The following CFAP69 variants were observed in gnomAD, a reference collection of about 807,000 sequenced individuals.
CFAP69 encodes the protein cilia- and flagella-associated protein 69.
Under a neutral mutation model 123.0 loss-of-function variants are expected in CFAP69, and 92 were observed. The observed-to-expected ratio is 0.75, with a 90% CI of 0.63 to 0.89. CFAP69 has a LOEUF of 0.89. Among genes scored for constraint, CFAP69 ranks in the 40% least tolerant of loss-of-function variants. CFAP69 has a pLI of 0.00. For synonymous variants in CFAP69, 380 were observed against 364.3 expected (o/e 1.04, Z -0.49); for missense variants, 1,067 against 1,096.9 (o/e 0.97, Z 0.39).
At chr7:90,320,375 T>C in the CFAP69 span, 17 of 152,224 alleles carry the variant, frequency 1.1e-4, no homozygotes, top group African/African-American at 3.9e-4. Context: ...TTGGAGAAGA[T>C]GAACGTAGAC....
chr7:90,279,823 A>G lies in CFAP69; in HGVS notation c.1302A>G (p.Leu434=), dbSNP rs779946135. 7 of 1,613,034 alleles carry G rather than the reference A, an allele frequency of 4.3e-6. No homozygotes were observed. Among genetic ancestry groups the G allele is most frequent in the Middle Eastern group, 1.6e-4 (1 of 6,082 alleles). Residue 434 remains leucine, a synonymous_variant, in exon 12 of 23, where the codon TTA becomes TTG. Transcript: ENST00000389297. ...IATLSSVAPL[L]IEEYMSCQGN... ...CTTTGTCATCAGTGGCTCCTTTATT[A>G]ATAGAAGAATACATGTCATGCCAGG...
intron 4 of CFAP69, among the ~76,000 whole-genome samples, chr7:90,264,116 T>A (rs1212964608): frequency 0.2 from 4,730 of 24,208 alleles, 988 homozygotes; most frequent in East Asian, 0.76. Flanking sequence ...TATATATATA[T>A]ATATATATAT....
At chr7:90,318,104 T>A in the CFAP69 span, 1 of 152,200 alleles carries the variant, frequency 6.6e-6, no homozygotes, top group East Asian at 1.9e-4. Context: ...AGGTATAGGC[T>A]TTTACGACAT....
rs1584438697 is a variant in CFAP69, at chr7:90,279,742, A to T, written c.1221A>T (p.Lys407Asn). The T allele has an allele frequency of 1.2e-6, 2 of 1,612,632 alleles. No individual in the cohort carries two copies. Among genetic ancestry groups the T allele is most frequent in the Non-Finnish European group, 1.7e-6 (2 of 1,179,696 alleles). The change falls in exon 12 of 23, where the codon AAA becomes AAT. Residue 407 changes from lysine (K) to asparagine (N), a missense_variant. Coordinates refer to ENST00000389297, the MANE Select transcript of CFAP69 (RefSeq NM_001039706.3). ...ATGTTAAGAAGCCTGAGAAGCAAAA[A>T]ATAATTGACTGGTCTGCAGCACAGC... is the stretch of plus-strand genomic sequence containing the variant. Reference protein sequence around the residue: ...FTYVKKPEKQKIIDWSAAQHE... With the variant: ...FTYVKKPEKQNIIDWSAAQHE...
intron 5 of CFAP69, among the ~76,000 whole-genome samples, chr7:90,266,742 T>G (rs1179131973): frequency 6.6e-6 from 1 of 152,148 alleles, no homozygotes; most frequent in Non-Finnish European, 1.5e-5. Flanking sequence ...TGTTTCTTGG[T>G]TTTTTTAATG....
At chr7:90,251,823 T>C (rs1340893416) in intron 1 of CFAP69, 1 of 152,240 alleles carries the variant, frequency 6.6e-6, no homozygotes. Flanking sequence ...ATCTATGCTT[T>C]AATCTTTACT....
chr7:90,254,198 G>A (rs745586376), intron 1 of CFAP69, among the ~76,000 whole-genome samples: 13 of 152,114 alleles, frequency 8.5e-5, no homozygotes, highest in Non-Finnish European at 1.8e-4. Context: ...TAGCCTATGT[G>A]TGTGTTTTTA....
chr7:90,321,421 G>C, the CFAP69 span: 2 of 152,672 alleles, frequency 1.3e-5, no homozygotes, highest in South Asian at 2.1e-4. Flanking sequence ...TCCAGACCTC[G>C]GGGGCCTCTG....
chr7:90,282,940 GC>G lies in CFAP69; in HGVS notation c.1422del (p.Asn475ThrfsTer10). 1 of 1,587,052 alleles carries G rather than the reference GC, an allele frequency of 6.3e-7. No homozygotes were observed. Among genetic ancestry groups the G allele is most frequent in the Non-Finnish European group, 8.6e-7 (1 of 1,167,882 alleles). ...GNSFHGTGGR[G>X]NKFAQMRYSL... ...AGTTTTCATGGTACAGGTGGCCGAG[GC>G]AACAAGTTTGCCCAGATGCGTTACA... On this transcript the variant is annotated frameshift_variant, in exon 13 of 23. Coordinates refer to ENST00000389297, the MANE Select transcript of CFAP69 (RefSeq NM_001039706.3).
chr7:90,253,730 T>C (rs1190978118), intron 1 of CFAP69, among the ~76,000 whole-genome samples: 1 of 152,180 alleles, frequency 6.6e-6, no homozygotes, highest in African/African-American at 2.4e-5. Flanking sequence ...ATATTCTTGT[T>C]ATTAATCCCT....
chr7:90,281,705 A>G (rs1420402764), intron 12 of CFAP69, among the ~76,000 whole-genome samples: 2 of 152,210 alleles, frequency 1.3e-5, no homozygotes, highest in African/African-American at 4.8e-5. Context: ...CAGTGTAGGA[A>G]AGGTTTCTTT....
intron 9 of CFAP69, chr7:90,276,018 C>A (rs192244857): frequency 2.0e-5 from 3 of 152,320 alleles, no homozygotes; most frequent in Non-Finnish European, 2.9e-5. Flanking sequence ...TTGTCACCAG[C>A]AGGAGAATTT....
At chr7:90,321,410 C>G in the CFAP69 span, 1 of 152,606 alleles carries the variant, frequency 6.6e-6, no homozygotes, top group Non-Finnish European at 1.5e-5. Flanking sequence ...ACTTCCCAGC[C>G]TCCAGACCTC....
rs974166486 is a variant in CFAP69, at chr7:90,311,026, T to A, written c.*788T>A. On this transcript the variant is annotated 3_prime_UTR_variant, in exon 23 of 23. Coordinates refer to ENST00000389297, the MANE Select transcript of CFAP69 (RefSeq NM_001039706.3). The stretch of plus-strand genomic sequence containing the variant: ...AAAAAGAAAAAAAAATGCAGCTGGT[T>A]TTACTCTTAATATATAAATATACAA... The A allele has an allele frequency of 1.3e-5, 2 of 152,196 alleles. No individual in the cohort carries two copies. Among genetic ancestry groups the A allele is most frequent in the Non-Finnish European group, 2.9e-5 (2 of 68,036 alleles). The allele number at this position is 152,196 out of a possible 1,614,324, so 9.4% of individuals were successfully genotyped here. A position where few individuals can be genotyped will look rare whatever the true frequency, so the allele number is the denominator to read the frequency against.
At chr7:90,258,011 A>G (rs190907484) in intron 2 of CFAP69, 87 bp from the exon 3 acceptor site, 4 of 800,550 alleles carry the variant, frequency 5.0e-6, no homozygotes, top group East Asian at 5.3e-5. Flanking sequence ...TGATAATTTT[A>G]AAGTGTCTAC....
At chr7:90,268,219 A>G (rs1017718251) in intron 5 of CFAP69, 67 bp from the exon 6 acceptor site, 1 of 929,028 alleles carries the variant, frequency 1.1e-6, no homozygotes, top group Non-Finnish European at 1.7e-6. Context: ...TTAACATTTT[A>G]TGCCTAAATT....
chr7:90,311,442 A>G (rs921775581), downstream of CFAP69, among the ~76,000 whole-genome samples: 8 of 152,330 alleles, frequency 5.3e-5, no homozygotes, highest in African/African-American at 1.7e-4. Context: ...TCATGTTCTC[A>G]CCAATTCACA....
downstream of CFAP69, among the ~76,000 whole-genome samples, chr7:90,313,815 C>T (rs944746783): frequency 6.6e-6 from 1 of 152,002 alleles, no homozygotes; most frequent in Non-Finnish European, 1.5e-5. Context: ...AGATAACTAC[C>T]CATTCTCAAG....
chr7:90,271,361 C>T (rs1799924095), intron 6 of CFAP69, among the ~76,000 whole-genome samples, 165 bp from the exon 7 acceptor site: 1 of 151,878 alleles, frequency 6.6e-6, no homozygotes, highest in Admixed American at 6.6e-5. Flanking sequence ...CTATCTGGCC[C>T]TTTACAGAAA....
Sources: gnomAD v4.1 joint callset for allele counts (sites outside exome capture counted in the v4.1 genomes callset) on GRCh38, gnomAD v4.1.1 for gene constraint, MANE v1.5 for transcripts, NCBI Gene and HGNC (gene_info 2026-07-23, HGNC 2026-07-21) for gene names.